The following CFAP54 variants were observed in gnomAD, a reference collection of about 807,000 sequenced individuals.
The protein encoded by CFAP54 is cilia- and flagella-associated protein 54.
In CFAP54, 290 loss-of-function variants were observed where a neutral mutation model predicts 370.4. The ratio of observed to expected loss-of-function variants is 0.78; its 90% CI spans 0.71 to 0.86. The LOEUF (loss-of-function observed/expected upper bound fraction) is 0.86. Among genes scored for constraint, CFAP54 ranks in the 40% least tolerant of loss-of-function variants. The pLI is 0.00. For synonymous variants in CFAP54, 1,206 were observed against 1,236.5 expected, an observed-to-expected ratio of 0.98 and a Z score of 0.52; for missense variants, 3,399 against 3,528.7, an observed-to-expected ratio of 0.96 and a Z score of 0.93.
intron 31 of CFAP54, among the ~76,000 whole-genome samples, 167 bp from the exon 32 acceptor site, chr12:96,630,383 AT>A (rs35864481): frequency 0.49 from 74,887 of 151,682 alleles, 18,970 homozygotes; most frequent in African/African-American, 0.57. Context: ...TTATAATCAG[AT>A]TTTTTTTGTC....
chr12:96,658,309 A>C lies in CFAP54; in HGVS notation c.5423A>C (p.Gln1808Pro). 1 of 1,614,158 alleles carries C rather than the reference A, an allele frequency of 6.2e-7. No individual in the cohort carries two copies. The highest frequency in any genetic ancestry group is 1.3e-5 in the African/African-American group (1 of 75,062). Residue 1808 changes from glutamine (Q) to proline (P), a missense_variant, in exon 38 of 68, where the codon CAA becomes CCA. Gln to Pro is a moderately conservative substitution (Grantham distance 76). Transcript: ENST00000524981. The part of the protein sequence containing the change: ...QKFKGPDITQ[Q>P]PCARYEAEYG... ...TTCAAGGGCCCAGATATTACCCAAC[A>C]ACCTTGTGCAAGGTATGAGGCTGAA...
intron 19 of CFAP54, 136 bp from the exon 20 acceptor site, chr12:96,576,447 ATG>A (rs1347997600): frequency 3.9e-5 from 23 of 585,530 alleles, no homozygotes; most frequent in Middle Eastern, 4.6e-4. Context: ...TGAAATATAT[ATG>A]TATATATTTG....
At chr12:96,566,529 G>C (rs554726726) in intron 19 of CFAP54, among the ~76,000 whole-genome samples, 1 of 152,096 alleles carries the variant, frequency 6.6e-6, no homozygotes, top group Non-Finnish European at 1.5e-5. Context: ...AAAAGTTTAT[G>C]GCTTTAAAAA....
chr12:96,744,364 A>G lies in CFAP54; in HGVS notation c.7684+218A>G, dbSNP rs185902857. Among the ~76,000 whole-genome samples the G allele has an allele frequency of 2.4e-3, 358 of 152,320 alleles. 1 individual carries two copies. Among genetic ancestry groups the G allele is most frequent in the Non-Finnish European group, 4.0e-3 (270 of 68,028 alleles). On this transcript the variant is annotated intron_variant, in intron 55 of 67. Coordinates refer to ENST00000524981, the MANE Select transcript of CFAP54 (RefSeq NM_001306084.2). ...TGAATAAAGTATGTGGTTGATTACC[A>G]TAATATAACATGCATAACTGCTTGG...
intron 48 of CFAP54, among the ~76,000 whole-genome samples, chr12:96,712,949 C>A (rs758198289): frequency 6.6e-6 from 1 of 152,064 alleles, no homozygotes; most frequent in East Asian, 1.9e-4. Flanking sequence ...CTTAACATCA[C>A]TAATAATCAG....
intron 67 of CFAP54, 84 bp downstream of exon 67, chr12:96,861,036 T>C: frequency 1.9e-6 from 2 of 1,064,544 alleles, no homozygotes; most frequent in Non-Finnish European, 2.5e-6. Context: ...ACAACAAACA[T>C]AAAATTGTTT....
intron 17 of CFAP54, among the ~76,000 whole-genome samples, chr12:96,556,407 A>C (rs2136402822): frequency 1.3e-5 from 2 of 150,904 alleles, no homozygotes; most frequent in Middle Eastern, 6.9e-3. Flanking sequence ...TTTTTTTTTC[A>C]AATTAAATGC....
chr12:96,754,540 G>A (rs1371988928), intron 56 of CFAP54, among the ~76,000 whole-genome samples: 1 of 152,136 alleles, frequency 6.6e-6, no homozygotes, highest in Non-Finnish European at 1.5e-5. Context: ...AATCCTGCTT[G>A]ATGATGAGGA....
intron 17 of CFAP54, among the ~76,000 whole-genome samples, chr12:96,555,780 A>C (rs1461604121): frequency 6.6e-6 from 1 of 151,858 alleles, no homozygotes; most frequent in Non-Finnish European, 1.5e-5. Flanking sequence ...GTTTATTGAT[A>C]AGAAGACCAA....
chr12:96,803,549 G>T (rs976177596), intron 63 of CFAP54, among the ~76,000 whole-genome samples: 1 of 152,020 alleles, frequency 6.6e-6, no homozygotes, highest in African/African-American at 2.4e-5. Flanking sequence ...TTTGTGTCCA[G>T]ATCTGCAGCA....
At chr12:96,785,235 A>T (rs566811191) in intron 61 of CFAP54, among the ~76,000 whole-genome samples, 1 of 152,170 alleles carries the variant, frequency 6.6e-6, no homozygotes, top group African/African-American at 2.4e-5. Flanking sequence ...TTGGCTTTAG[A>T]GAAAGAGTGG....
In CFAP54 at chr12:96,626,915, C is replaced by T. The variant is rs1782591863; in HGVS notation, c.4079C>T (p.Thr1360Ile). Residue 1360 changes from threonine to isoleucine, a missense_variant, in exon 30 of 68, where the codon ACT (threonine) becomes ATT (isoleucine). Physicochemically the swap from Thr to Ile is moderately conservative, Grantham distance 89 (BLOSUM62 -1). Coordinates refer to ENST00000524981, the MANE Select transcript of CFAP54 (RefSeq NM_001306084.2). ...EKFHLMVEVT[T>I]PVHDFLKRRN... Reference sequence around the variant, plus strand: ...TTTCATCTTATGGTAGAGGTAACAACTCCTGTCCATGACTTCTTGAAAAGG... The same window carrying T: ...TTTCATCTTATGGTAGAGGTAACAATTCCTGTCCATGACTTCTTGAAAAGG... 2 of 1,413,344 alleles carry T rather than the reference C, an allele frequency of 1.4e-6. No homozygotes were observed. Among genetic ancestry groups the T allele is most frequent in the South Asian group, 1.5e-5 (1 of 64,634 alleles). The allele number at this position is 1,413,344 out of a possible 1,614,324, so 87.6% of individuals were successfully genotyped here.
intron 5 of CFAP54, among the ~76,000 whole-genome samples, chr12:96,518,204 C>T (rs888879294): frequency 3.9e-5 from 6 of 152,132 alleles, no homozygotes; most frequent in Non-Finnish European, 8.8e-5. Context: ...TAATCTTGGA[C>T]CATTTCTACT....
At chr12:96,697,346 T>C (rs886567047) in intron 45 of CFAP54, among the ~76,000 whole-genome samples, 11 of 152,110 alleles carry the variant, frequency 7.2e-5, no homozygotes, top group Non-Finnish European at 1.3e-4. Context: ...CTAGGGGTAA[T>C]GAGAAAAATG....
chr12:96,743,329 A>G (rs1323629732), intron 52 of CFAP54, 73 bp from the exon 53 acceptor site: 1 of 1,447,116 alleles, frequency 6.9e-7, no homozygotes, highest in African/African-American at 1.4e-5. Context: ...TGTGATGAAA[A>G]TTGGGGCTAT....
chr12:96,738,426 G>A (rs1958006004), intron 50 of CFAP54, among the ~76,000 whole-genome samples: 1 of 152,010 alleles, frequency 6.6e-6, no homozygotes, highest in African/African-American at 2.4e-5. Flanking sequence ...GGTGTCGATG[G>A]GGCCACACTT....
chr12:96,542,403 ACATT>A (rs1955586678), intron 14 of CFAP54, among the ~76,000 whole-genome samples: 1 of 152,222 alleles, frequency 6.6e-6, no homozygotes, highest in Middle Eastern at 3.2e-3. Flanking sequence ...GCCATCGAAC[ACATT>A]CATTGGCCTC....
intron 64 of CFAP54, among the ~76,000 whole-genome samples, chr12:96,813,223 C>T (rs938106866): frequency 6.6e-6 from 1 of 152,074 alleles, no homozygotes; most frequent in Non-Finnish European, 1.5e-5. Context: ...AGTAGGGTTA[C>T]TAAAATTAGT....
At chr12:96,646,538 G>A (rs1321628704) in intron 33 of CFAP54, 1 of 152,234 alleles carries the variant, frequency 6.6e-6, no homozygotes, top group East Asian at 1.9e-4. Flanking sequence ...GTGGAAGTCA[G>A]TGTGGCGATT....
Sources: gnomAD v4.1 joint callset for allele counts (sites outside exome capture counted in the v4.1 genomes callset) on GRCh38, gnomAD v4.1.1 for gene constraint, MANE v1.5 for transcripts, NCBI Gene and HGNC (gene_info 2026-07-23, HGNC 2026-07-21) for gene names.